The following ANKRD26 variants were observed in gnomAD, a reference collection of about 807,000 sequenced individuals.
ANKRD26 encodes ankyrin repeat domain 26.
In ANKRD26, 141 loss-of-function variants were observed where a neutral mutation model predicts 208.7. That is an observed-to-expected ratio of 0.68 (90% CI 0.59 to 0.78). ANKRD26 has a LOEUF of 0.78. Among genes scored for constraint, ANKRD26 ranks in the 30% least tolerant of loss-of-function variants. The pLI is 0.00. For missense variants in ANKRD26, 1,889 were observed against 1,938.7 expected (o/e 0.97, Z 0.48); for synonymous variants, 636 against 660.4 (o/e 0.96, Z 0.57).
chr10:27,040,142 A>G lies in ANKRD26; in HGVS notation c.2198T>C (p.Leu733Pro). Residue 733 changes from leucine (L) to proline (P), a missense_variant, in exon 21 of 34, where the codon CTT becomes CCT. By Grantham distance (98) the Leu-to-Pro change is moderately conservative. Coordinates refer to ENST00000376087, the MANE Select transcript of ANKRD26 (RefSeq NM_014915.3). ...AAGTTCTAATAATCTTTCACATGAA[A>G]GAGCTGCATCCTGGATTTTCAATAG... ...VSLLKIQDAA[L>P]SCERLLELKK... 6.2e-7 allele frequency: 1 copy of G among 1,612,976 alleles called. No homozygotes were observed. The highest frequency in any genetic ancestry group is 8.5e-7 in the Non-Finnish European group (1 of 1,179,626).
At chr10:27,002,661 A>C (rs1184985788), downstream of ANKRD26, among the ~76,000 whole-genome samples, 1 of 152,212 alleles carries the variant, frequency 6.6e-6, no homozygotes, top group Non-Finnish European at 1.5e-5. Flanking sequence ...AATTACTATA[A>C]AATAAAATGT....
intron 4 of ANKRD26, among the ~76,000 whole-genome samples, chr10:27,091,761 G>C (rs1168185958): frequency 6.6e-6 from 1 of 152,182 alleles, no homozygotes; most frequent in East Asian, 1.9e-4. Context: ...GGCCAAGGCG[G>C]GTGGATCACG....
intron 5 of ANKRD26, among the ~76,000 whole-genome samples, chr10:26,977,700 C>A (rs973599427): frequency 6.6e-6 from 1 of 152,120 alleles, no homozygotes; most frequent in Admixed American, 6.5e-5. Flanking sequence ...CATTTTGGTC[C>A]TCTCATTAAG....
At chr10:27,095,992 A>G (rs554779613) in intron 1 of ANKRD26, among the ~76,000 whole-genome samples, 2 of 150,384 alleles carry the variant, frequency 1.3e-5, no homozygotes, top group African/African-American at 4.9e-5. Flanking sequence ...CCTCCCACCA[A>G]CAGCTCTCAT....
At chr10:26,977,019 T>C (rs1469218711) in intron 5 of ANKRD26, among the ~76,000 whole-genome samples, 1 of 152,100 alleles carries the variant, frequency 6.6e-6, no homozygotes, top group Non-Finnish European at 1.5e-5. Context: ...TGTTTGGCAG[T>C]TTGGCATTTA....
At chr10:27,094,545 CT>C (rs1380745621) in intron 1 of ANKRD26, among the ~76,000 whole-genome samples, 1 of 152,190 alleles carries the variant, frequency 6.6e-6, no homozygotes, top group Non-Finnish European at 1.5e-5. Context: ...TAGGACACCA[CT>C]GGGATGCTTA....
At position 27,039,822 on chromosome 10, in the gene ANKRD26, A is replaced by G. The variant is rs185385269; in HGVS notation, c.2375+143T>C. Reference sequence around the variant, plus strand: ...AAGTTCATAGTTAAGAACTAGTTATATTATTTCCAAGAATTTCACACTCCA... The same window carrying G: ...AAGTTCATAGTTAAGAACTAGTTATGTTATTTCCAAGAATTTCACACTCCA... On this transcript the variant is annotated intron_variant, in intron 21 of 33. Transcript: ENST00000376087. 8.6e-6 allele frequency: 6 copies of G among 693,912 alleles called. No homozygotes were observed. The African/African-American group carries it at 9.0e-5, about 10-fold the overall frequency. The allele number at this position is 693,912 out of a possible 1,614,324, so 43.0% of individuals were successfully genotyped here. A position where few individuals can be genotyped will look rare whatever the true frequency, so the allele number is the denominator to read the frequency against.
chr10:27,052,301 G>T (rs2054690564), intron 16 of ANKRD26: 1 of 399,868 alleles, frequency 2.5e-6, no homozygotes, highest in Non-Finnish European at 3.4e-6. Context: ...ACATGAACCA[G>T]CAAAGTTAAG....
intron 12 of ANKRD26, chr10:27,062,177 C>T: frequency 1.2e-5 from 12 of 983,678 alleles, no homozygotes; most frequent in Non-Finnish European, 1.4e-5. Flanking sequence ...TTTTATGGAA[C>T]ATTCTCAGCA....
Position 26,976,951 on chromosome 10 carries a change from G to A in ANKRD26, c.*282-909C>T, listed in dbSNP as rs191038401. 3.9e-5 allele frequency among the ~76,000 whole-genome samples: 6 copies of A among 152,242 alleles called. No homozygotes were observed. In the East Asian group the frequency reaches 5.8e-4, roughly 15 times the overall value. ...AACACACCTGCCCATCACAGCATCC[G>A]TGATAATGCGGCAGGCTCACCTTTA... On this transcript the variant is annotated intron_variant and NMD_transcript_variant, in intron 5 of 5. Transcript: ENST00000674670.
Position 27,017,058 on chromosome 10 carries a change from G to A in ANKRD26, c.4506+444C>T, listed in dbSNP as rs376770295. Among the ~76,000 whole-genome samples the A allele has an allele frequency of 3.3e-5, 5 of 152,214 alleles. No individual in the cohort carries two copies. In the South Asian group the frequency reaches 6.2e-4, roughly 19 times the overall value. On this transcript the variant is annotated intron_variant, in intron 30 of 33. Coordinates refer to ENST00000376087, the MANE Select transcript of ANKRD26 (RefSeq NM_014915.3). The stretch of plus-strand genomic sequence containing the variant: ...AGAATTAAAAATTTAGCCAGGCATC[G>A]TGATGTGCACCTGTAGTCCCAGCTA...
intron 16 of ANKRD26, among the ~76,000 whole-genome samples, chr10:27,049,758 G>A (rs1434689805): frequency 6.6e-6 from 1 of 152,024 alleles, no homozygotes; most frequent in Non-Finnish European, 1.5e-5. Context: ...TCCTAAAGTG[G>A]CATTATCTAG....
intron 16 of ANKRD26, chr10:27,051,678 A>C (rs1385824446): frequency 4.1e-6 from 4 of 985,240 alleles, no homozygotes; most frequent in Non-Finnish European, 4.8e-6. Context: ...GTATGAAGGA[A>C]ATGAAAAGCC....
At position 27,034,831 on chromosome 10, in the gene ANKRD26, G is replaced by A; in HGVS notation, c.3619C>T (p.Gln1207Ter). The change falls in exon 24 of 34, where the codon CAG becomes TAG. Residue 1207 changes from glutamine to a stop codon, truncating the protein, a stop_gained. Coordinates refer to ENST00000376087, the MANE Select transcript of ANKRD26 (RefSeq NM_014915.3). LOFTEE classifies it high-confidence loss of function. ...GCCTTTTCATTTTCATATTGATACTGTCTTTCTTTTAAGTGATTACATTCA... is the reference window on the plus strand; with the variant it reads ...GCCTTTTCATTTTCATATTGATACTATCTTTCTTTTAAGTGATTACATTCA... ...ISECNHLKER[Q>*]YQYENEKAER... 1 of 1,608,642 alleles carries A rather than the reference G, an allele frequency of 6.2e-7. No individual in the cohort carries two copies. Among genetic ancestry groups the A allele is most frequent in the Non-Finnish European group, 8.5e-7 (1 of 1,177,860 alleles).
At chr10:27,037,444 C>T (rs755835088) in intron 22 of ANKRD26, 121 bp from the exon 23 acceptor site, 26 of 1,052,182 alleles carry the variant, frequency 2.5e-5, no homozygotes, top group Non-Finnish European at 3.5e-5. Flanking sequence ...ATGCAAGAAC[C>T]TTTATTACTC....
chr10:26,999,807 C>CAAAA (rs68192322), downstream of ANKRD26, among the ~76,000 whole-genome samples: 10 of 74,672 alleles, frequency 1.3e-4, no homozygotes, highest in East Asian at 9.1e-4. Flanking sequence ...CAAAACCAAC[C>CAAAA]AAAAAAAAAA....
the ANKRD26 span, among the ~76,000 whole-genome samples, chr10:26,949,474 CATT>C: frequency 0.017 from 2,606 of 151,786 alleles, 155 homozygotes; most frequent in East Asian, 0.17. Flanking sequence ...TAATTATCAT[CATT>C]ATCTTATAGT....
chr10:27,094,253 A>G (rs1163604160), intron 1 of ANKRD26, among the ~76,000 whole-genome samples: 1 of 152,200 alleles, frequency 6.6e-6, no homozygotes, highest in East Asian at 1.9e-4. Context: ...AATAAAGGGT[A>G]TGTCTTTATT....
the ANKRD26 span, among the ~76,000 whole-genome samples, chr10:26,960,734 T>C: frequency 1.3e-5 from 2 of 152,254 alleles, no homozygotes; most frequent in Non-Finnish European, 2.9e-5. Context: ...CTATATTTAC[T>C]TGAAATCTCA....
Sources: allele counts gnomAD v4.1 joint callset (sites outside exome capture counted in the v4.1 genomes callset), GRCh38; gene constraint gnomAD v4.1.1; transcripts MANE v1.5; gene names NCBI Gene and HGNC (gene_info 2026-07-23, HGNC 2026-07-21).